TMEM131: variants seen among roughly 807,000 people sequenced by gnomAD.
TMEM131 encodes 2610524E03Rik.
Under a neutral mutation model 211.6 loss-of-function variants are expected in TMEM131, and 66 were observed. The observed-to-expected ratio is 0.31, with a 90% CI of 0.26 to 0.38. The LOEUF (loss-of-function observed/expected upper bound fraction) is 0.38, where lower values mean the gene tolerates loss of function less well. Ranked by LOEUF, TMEM131 falls within the 10% of genes least tolerant of loss-of-function variation. The pLI is 1.00. For synonymous variants in TMEM131, 844 were observed against 841.3 expected (o/e 1.00, Z -0.06); for missense variants, 2,036 against 2,299.3 (o/e 0.89, Z 2.34).
At position 97,795,017 on chromosome 2, in the gene TMEM131, G is replaced by T. The variant is rs1680690802; in HGVS notation, c.3299C>A (p.Pro1100His). The T allele has an allele frequency of 6.2e-7, 1 of 1,613,710 alleles. No homozygotes were observed. The part of the protein sequence containing the change: ...EFVFILNASL[P>H]YHMLATCAEA... ...TGCACAGGTTGCTAACATATGGTAA[G>T]GAAGGGATGCATTCAATATAAATAC... Residue 1100 changes from proline to histidine, a missense_variant, in exon 29 of 41, where the codon CCT becomes CAT. Pro to His is a moderately conservative substitution (Grantham distance 77). Transcript: ENST00000186436.
chr2:97,964,586 TAAGTC>T (rs994588061), intron 1 of TMEM131, among the ~76,000 whole-genome samples: 1 of 152,224 alleles, frequency 6.6e-6, no homozygotes, highest in Non-Finnish European at 1.5e-5. Flanking sequence ...CGTCCTTGAC[TAAGTC>T]AATTCTACTG....
chr2:97,821,591 G>A (rs1272350888), intron 11 of TMEM131, among the ~76,000 whole-genome samples: 6 of 152,142 alleles, frequency 3.9e-5, no homozygotes, highest in South Asian at 2.1e-4. Context: ...GCAAGACCAC[G>A]AACTCACTGG....
intron 11 of TMEM131, among the ~76,000 whole-genome samples, chr2:97,829,054 C>G (rs1682530310): frequency 6.6e-6 from 1 of 152,212 alleles, no homozygotes; most frequent in African/African-American, 2.4e-5. Context: ...TAGACAGTTC[C>G]CCTCTGGAGG....
At chr2:97,932,141 TA>T (rs34976723) in intron 1 of TMEM131, among the ~76,000 whole-genome samples, 46,766 of 135,004 alleles carry the variant, frequency 0.35, 8,226 homozygotes, top group Non-Finnish European at 0.4. Flanking sequence ...GACCCTGTCT[TA>T]AAAAAAAAAA....
At chr2:97,860,230 T>A (rs182595362) in intron 4 of TMEM131, among the ~76,000 whole-genome samples, 64 of 152,326 alleles carry the variant, frequency 4.2e-4, no homozygotes, top group Admixed American at 9.2e-4. Flanking sequence ...TAATCTCACA[T>A]GACCCAACCT....
chr2:97,978,391 G>GT (rs894251291), intron 1 of TMEM131, among the ~76,000 whole-genome samples: 2 of 151,976 alleles, frequency 1.3e-5, no homozygotes, highest in African/African-American at 2.4e-5. Context: ...AAGTTTTATC[G>GT]TAACACTGCA....
chr2:97,834,583 A>C lies in TMEM131; in HGVS notation c.1012+38T>G, dbSNP rs767034460. On this transcript the variant is annotated intron_variant, in intron 10 of 40. Transcript: ENST00000186436. ...ACTGAATACAGGGGTTAAAAAAAAAAAAAACTCCATAAAGACTCTTTTAAA... is the reference window on the plus strand; with the variant it reads ...ACTGAATACAGGGGTTAAAAAAAAACAAAACTCCATAAAGACTCTTTTAAA... 36 of 1,480,388 alleles carry C rather than the reference A, an allele frequency of 2.4e-5. No homozygotes were observed. In the East Asian group the frequency reaches 3.2e-4, roughly 13 times the overall value. 91.7% of individuals were successfully genotyped at this position (1,480,388 alleles called of 1,614,324 possible).
chr2:97,860,653 G>C (rs944118452), intron 4 of TMEM131, among the ~76,000 whole-genome samples: 1 of 152,146 alleles, frequency 6.6e-6, no homozygotes, highest in African/African-American at 2.4e-5. Context: ...GATAAACAGT[G>C]AACAGCTGAT....
chr2:97,841,550 C>T (rs1383697855), intron 7 of TMEM131, among the ~76,000 whole-genome samples: 1 of 152,068 alleles, frequency 6.6e-6, no homozygotes. Flanking sequence ...GCAGAGCTGC[C>T]TAAACTATAA....
intron 19 of TMEM131, among the ~76,000 whole-genome samples, chr2:97,807,176 T>G (rs1380152909): frequency 6.6e-6 from 1 of 152,112 alleles, no homozygotes; most frequent in African/African-American, 2.4e-5. Context: ...AATATAGAGG[T>G]AATTTAGAAT....
rs931182498 is a variant in TMEM131 at position 97,759,113 on chromosome 2, T to C, written c.5207-60A>G. Reference sequence around the variant, plus strand: ...TGGTTTTGCCATGATCACTATAGCATATGGGGCTTCACTCAATGGCATACC... The same window carrying C: ...TGGTTTTGCCATGATCACTATAGCACATGGGGCTTCACTCAATGGCATACC... On this transcript the variant is annotated intron_variant, in intron 39 of 40. Coordinates refer to ENST00000186436, the MANE Select transcript of TMEM131 (RefSeq NM_015348.2). 8.7e-6 allele frequency: 14 copies of C among 1,600,216 alleles called. No individual in the cohort carries two copies. In the Admixed American group the frequency reaches 2.2e-4, roughly 25 times the overall value.
intron 3 of TMEM131, among the ~76,000 whole-genome samples, chr2:97,906,134 T>A (rs1386676897): frequency 6.6e-6 from 1 of 152,170 alleles, no homozygotes; most frequent in East Asian, 1.9e-4. Flanking sequence ...CAGTCTTTCA[T>A]CAGCATCAAA....
At chr2:97,797,282 A>G in intron 26 of TMEM131, 83 bp downstream of exon 26, 6 of 1,271,570 alleles carry the variant, frequency 4.7e-6, no homozygotes, top group Non-Finnish European at 6.6e-6. Context: ...TTCATAAGTT[A>G]GACATGCAAA....
At chr2:97,912,888 A>T (rs1049061969) in intron 2 of TMEM131, among the ~76,000 whole-genome samples, 1 of 152,188 alleles carries the variant, frequency 6.6e-6, no homozygotes, top group East Asian at 1.9e-4. Context: ...TTCCAATCAA[A>T]TAGACCAGCC....
Position 97,821,828 on chromosome 2 carries a change from G to T in TMEM131, c.1075-3107C>A, listed in dbSNP as rs147221211. Among the ~76,000 whole-genome samples the T allele has an allele frequency of 3.4e-3, 525 of 152,250 alleles. 8 individuals carry two copies. In the East Asian group the frequency reaches 0.042, roughly 12 times the overall value. The stretch of plus-strand genomic sequence containing the variant: ...ACAGGTGTCAGGCTTTCTGGGAAAG[G>T]GCTAACAACCCCCAACTCTTCAGAG... On this transcript the variant is annotated intron_variant, in intron 11 of 40. Transcript: ENST00000186436.
At chr2:97,767,903 G>A (rs1679254979) in intron 33 of TMEM131, among the ~76,000 whole-genome samples, 1 of 152,172 alleles carries the variant, frequency 6.6e-6, no homozygotes, top group African/African-American at 2.4e-5. Flanking sequence ...CTCATTCACA[G>A]GAGATTTCAA....
At chr2:97,876,563 A>G (rs1306371793) in intron 4 of TMEM131, among the ~76,000 whole-genome samples, 2 of 152,230 alleles carry the variant, frequency 1.3e-5, no homozygotes, top group African/African-American at 4.8e-5. Context: ...AAACCAATAA[A>G]GGTAATCCAT....
intron 7 of TMEM131, among the ~76,000 whole-genome samples, chr2:97,839,202 C>A (rs1181352077): frequency 6.6e-5 from 10 of 152,056 alleles, no homozygotes; most frequent in Admixed American, 5.9e-4. Context: ...TGGCGTGCAC[C>A]TGTAGTCCCA....
At chr2:97,774,666 G>A (rs766471864) in intron 32 of TMEM131, among the ~76,000 whole-genome samples, 11 of 152,194 alleles carry the variant, frequency 7.2e-5, no homozygotes, top group East Asian at 1.9e-4. Flanking sequence ...TGGAGAGGGG[G>A]CCACAGTGGT....
Sources: allele counts gnomAD v4.1 joint callset (sites outside exome capture counted in the v4.1 genomes callset), GRCh38; gene constraint gnomAD v4.1.1; transcripts MANE v1.5; gene names NCBI Gene and HGNC (gene_info 2026-07-23, HGNC 2026-07-21).